Variants in SYT1 observed in about 807,000 individuals in gnomAD.
SYT1 encodes synaptotagmin 1, also known as synaptotagmin-1.
A neutral mutation model predicts 44.8 loss-of-function variants in SYT1; 8 were observed. The ratio of observed to expected loss-of-function variants is 0.18; its 90% CI spans 0.10 to 0.32. The LOEUF is 0.32. Ranked by LOEUF, SYT1 falls within the 10% of genes least tolerant of loss-of-function variation. SYT1 has a pLI of 1.00. For synonymous variants in SYT1, 154 were observed against 188.8 expected (o/e 0.82, Z 1.51); for missense variants, 286 against 509.3 (o/e 0.56, Z 4.22).
At chr12:79,176,013 G>T (rs562750920) in intron 3 of SYT1, among the ~76,000 whole-genome samples, 38 of 152,192 alleles carry the variant, frequency 2.5e-4, no homozygotes, top group Middle Eastern at 3.4e-3. Flanking sequence ...AGAGCGGGCC[G>T]GGTGTGGAGG....
chr12:79,090,236 A>G (rs1283196805), intron 3 of SYT1, among the ~76,000 whole-genome samples: 1 of 152,028 alleles, frequency 6.6e-6, no homozygotes, highest in East Asian at 1.9e-4. Flanking sequence ...TAAGATGTGG[A>G]GAATAGATCT....
intron 9 of SYT1, among the ~76,000 whole-genome samples, chr12:79,373,406 A>G (rs1040510475): frequency 1.3e-5 from 2 of 152,266 alleles, no homozygotes; most frequent in African/African-American, 4.8e-5. Flanking sequence ...AAGATAAAGC[A>G]AAAGTAAACA....
intron 1 of SYT1, among the ~76,000 whole-genome samples, chr12:78,904,714 G>A (rs1012769751): frequency 2.0e-5 from 3 of 152,060 alleles, no homozygotes; most frequent in Non-Finnish European, 4.4e-5. Flanking sequence ...AATATTATAT[G>A]AGCCATAGTC....
intron 8 of SYT1, among the ~76,000 whole-genome samples, chr12:79,340,403 T>A (rs1472046136): frequency 1.3e-5 from 2 of 152,196 alleles, no homozygotes; most frequent in Non-Finnish European, 2.9e-5. Context: ...GTAAGTTGGA[T>A]TCCTAGGTAT....
At chr12:78,902,634 A>G (rs1218312951) in intron 1 of SYT1, among the ~76,000 whole-genome samples, 3 of 152,186 alleles carry the variant, frequency 2.0e-5, no homozygotes, top group African/African-American at 7.2e-5. Context: ...ATTTTTCTAG[A>G]AAGTGGTAGA....
At chr12:78,901,058 T>C (rs1336000821) in intron 1 of SYT1, among the ~76,000 whole-genome samples, 1 of 152,072 alleles carries the variant, frequency 6.6e-6, no homozygotes, top group African/African-American at 2.4e-5. Flanking sequence ...AACATCACAC[T>C]TTTTAAAACT....
At chr12:79,322,902 C>T (rs554096478) in intron 8 of SYT1, among the ~76,000 whole-genome samples, 16 of 152,148 alleles carry the variant, frequency 1.1e-4, no homozygotes, top group Admixed American at 2.0e-4. Flanking sequence ...AATGTTGAAA[C>T]GATATCTGAA....
At chr12:79,419,646 C>T (rs1868981244) in intron 9 of SYT1, among the ~76,000 whole-genome samples, 1 of 152,022 alleles carries the variant, frequency 6.6e-6, no homozygotes, top group Non-Finnish European at 1.5e-5. Flanking sequence ...TTGAGGTCTA[C>T]AATAGTAAGT....
chr12:79,351,360 C>A (rs1040414892), intron 8 of SYT1, among the ~76,000 whole-genome samples: 3 of 152,152 alleles, frequency 2.0e-5, no homozygotes, highest in Admixed American at 2.0e-4. Context: ...TTGTTCAACA[C>A]AATTGCAATG....
chr12:79,028,597 A>G (rs896876153), intron 2 of SYT1, among the ~76,000 whole-genome samples: 12 of 151,404 alleles, frequency 7.9e-5, no homozygotes, highest in Admixed American at 5.3e-4. Flanking sequence ...CAAAAATTTG[A>G]GGCTATGTAA....
intron 7 of SYT1, among the ~76,000 whole-genome samples, chr12:79,297,875 C>A (rs1434319242): frequency 2.0e-5 from 3 of 152,118 alleles, no homozygotes; most frequent in Non-Finnish European, 2.9e-5. Flanking sequence ...ATTAATTCAT[C>A]TTCTTTTCCC....
At chr12:79,253,479 C>G (rs866597227) in intron 4 of SYT1, among the ~76,000 whole-genome samples, 23 of 129,470 alleles carry the variant, frequency 1.8e-4, no homozygotes, top group Middle Eastern at 3.7e-3. Context: ...AAAGCCATTG[C>G]CCAGTCTCTC....
At chr12:79,169,535 A>C (rs1016338485) in intron 3 of SYT1, among the ~76,000 whole-genome samples, 3 of 151,746 alleles carry the variant, frequency 2.0e-5, no homozygotes, top group Non-Finnish European at 4.4e-5. Context: ...CATTTTAAAA[A>C]CTCCTCTGGA....
chr12:79,054,555 A>G (rs1180009319), intron 3 of SYT1, among the ~76,000 whole-genome samples: 1 of 152,002 alleles, frequency 6.6e-6, no homozygotes. Context: ...TACATGCTAC[A>G]TTATCTGGAC....
intron 8 of SYT1, among the ~76,000 whole-genome samples, chr12:79,347,736 T>C (rs1882672885): frequency 6.6e-6 from 1 of 152,122 alleles, no homozygotes; most frequent in African/African-American, 2.4e-5. Flanking sequence ...GAAAAACAAG[T>C]CTTTTCTCTT....
intron 4 of SYT1, among the ~76,000 whole-genome samples, chr12:79,272,056 G>T (rs1185088804): frequency 6.6e-6 from 1 of 152,150 alleles, no homozygotes; most frequent in Non-Finnish European, 1.5e-5. Flanking sequence ...ATCCATCAAT[G>T]CTAAGTGAGG....
Position 78,898,412 on chromosome 12 carries a change from C to CT in SYT1, c.-217+33307dup, listed in dbSNP as rs1412553826. On this transcript the variant is annotated intron_variant, in intron 1 of 10. Transcript: ENST00000261205. Reference sequence around the variant, plus strand: ...AGTTGGTGCTTGAACATTTACTTTCCTTTTGGTTATTTTATCATTGTGTCA... The same window carrying CT: ...AGTTGGTGCTTGAACATTTACTTTCCTTTTTGGTTATTTTATCATTGTGTCA... Among the ~76,000 whole-genome samples the CT allele has an allele frequency of 2.6e-5, 4 of 152,048 alleles. No homozygotes were observed. The East Asian group carries it at 7.7e-4, about 29-fold the overall frequency.
intron 1 of SYT1, among the ~76,000 whole-genome samples, chr12:78,890,076 C>A (rs761051528): frequency 3.4e-4 from 51 of 152,064 alleles, no homozygotes; most frequent in Admixed American, 1.4e-3. Context: ...AGAGAGCAGA[C>A]ATATCCATTT....
intron 3 of SYT1, among the ~76,000 whole-genome samples, chr12:79,207,671 A>T (rs1874208194): frequency 6.6e-6 from 1 of 152,246 alleles, no homozygotes; most frequent in Non-Finnish European, 1.5e-5. Context: ...TAGTTGGGCC[A>T]GCTTGGAAAC....
Sources: allele counts gnomAD v4.1 joint callset (sites outside exome capture counted in the v4.1 genomes callset), GRCh38; gene constraint gnomAD v4.1.1; transcripts MANE v1.5; gene names NCBI Gene and HGNC (gene_info 2026-07-23, HGNC 2026-07-21).